The following CCDC61 variants were observed in gnomAD, a reference collection of about 807,000 sequenced individuals.
CCDC61 encodes centrosomal protein CCDC61.
CCDC61 carries 55 observed loss-of-function variants against 63.0 expected under a neutral mutation model. That is an observed-to-expected ratio of 0.87 (90% confidence interval 0.70 to 1.09). The LOEUF is 1.09. Ranked by LOEUF, CCDC61 falls within the 50% of genes least tolerant of loss-of-function variation. The pLI, the probability that CCDC61 is intolerant of heterozygous loss-of-function variation, is 0.00. For synonymous variants in CCDC61, 270 were observed against 317.0 expected (o/e 0.85, Z 1.58); for missense variants, 651 against 731.4 (o/e 0.89, Z 1.27).
Position 46,018,306 on chromosome 19 carries a change from C to A in CCDC61, c.1458C>A (p.His486Gln), listed in dbSNP as rs759020217. Residue 486 changes from histidine to glutamine, a missense_variant, in exon 14 of 14, where the codon CAC becomes CAA. Transcript: ENST00000595358. This position sits in a 1 kb window ranked among gnomAD's most constrained non-coding sequence, Gnocchi z 4.2. ...WVPIKEYSSEHQAADMAEIDA... is the reference protein window; with the variant it reads ...WVPIKEYSSEQQAADMAEIDA... ...CTCTCACAGAGTACAGCTCGGAGCA[C>A]CAGGCGGCTGACATGGCCGAAATAG... 1.9e-6 allele frequency: 3 copies of A among 1,570,260 alleles called. No individual in the cohort carries two copies. The highest frequency in any genetic ancestry group is 2.6e-6 in the Non-Finnish European group (3 of 1,158,114).
intron 5 of CCDC61, among the ~76,000 whole-genome samples, chr19:46,012,151 G>C (rs946236866): frequency 1.3e-5 from 2 of 152,162 alleles, no homozygotes; most frequent in African/African-American, 4.8e-5. Context: ...AGGAGTTCCA[G>C]GGCAGGCCCT....
At chr19:46,005,125 T>A (rs1427920687) in intron 3 of CCDC61, among the ~76,000 whole-genome samples, 2 of 151,878 alleles carry the variant, frequency 1.3e-5, no homozygotes, top group Non-Finnish European at 2.9e-5. Context: ...ATTCTCCTAT[T>A]TCAGCCTCCC....
intron 1 of CCDC61, among the ~76,000 whole-genome samples, chr19:45,998,760 T>C (rs1010507472): frequency 6.6e-6 from 1 of 152,164 alleles, no homozygotes; most frequent in Admixed American, 6.5e-5. Flanking sequence ...CTAAATAATT[T>C]AGTTCAACAA....
chr19:46,003,676 A>G, intron 3 of CCDC61, 175 bp downstream of exon 3: 4 of 491,610 alleles, frequency 8.1e-6, no homozygotes, highest in Non-Finnish European at 1.4e-5. Flanking sequence ...ACTTAATGAT[A>G]GTTATTCTCA....
chr19:46,010,599 A>G (rs990081967), intron 5 of CCDC61, among the ~76,000 whole-genome samples: 44 of 152,352 alleles, frequency 2.9e-4, no homozygotes, highest in African/African-American at 9.9e-4. Flanking sequence ...GAGAAGTCAG[A>G]TGGGCAGGGG....
In CCDC61 at chr19:46,016,581, AG is replaced by A; in HGVS notation, c.1092-111del. 6.7e-7 allele frequency: 1 copy of A among 1,491,092 alleles called. No individual in the cohort carries two copies. The allele number at this position is 1,491,092 out of a possible 1,614,324, so 92.4% of individuals were successfully genotyped here. A position where few individuals can be genotyped will look rare whatever the true frequency, so the allele number is the denominator to read the frequency against. ...GTGTTTCTGCGTGCTTTCCGCTCGT[AG>A]GCCTGTCACCTCAGGCTTTCGCTGG... is the stretch of plus-strand genomic sequence containing the variant. On this transcript the variant is annotated intron_variant, in intron 9 of 13. Transcript: ENST00000595358. The surrounding 1 kb of genome is among the most constrained non-coding windows in gnomAD (Gnocchi z 7.2).
chr19:46,008,334 G>GT, intron 5 of CCDC61, 33 bp downstream of exon 5: 1 of 898,760 alleles, frequency 1.1e-6, no homozygotes, highest in Non-Finnish European at 1.7e-6. Flanking sequence ...GCTGGGGCGG[G>GT]TGGGGGCCCT....
chr19:46,016,575 G>T lies in CCDC61; in HGVS notation c.1092-119G>T. 2 of 1,474,516 alleles carry T rather than the reference G, an allele frequency of 1.4e-6. No individual in the cohort carries two copies. Among genetic ancestry groups the T allele is most frequent in the Non-Finnish European group, 1.8e-6 (2 of 1,086,442 alleles). 91.3% of individuals were successfully genotyped at this position (1,474,516 alleles called of 1,614,324 possible). A position where few individuals can be genotyped will look rare whatever the true frequency, so the allele number is the denominator to read the frequency against. Reference sequence around the variant, plus strand: ...TCGTCTGTGTTTCTGCGTGCTTTCCGCTCGTAGGCCTGTCACCTCAGGCTT... The same window carrying T: ...TCGTCTGTGTTTCTGCGTGCTTTCCTCTCGTAGGCCTGTCACCTCAGGCTT... On this transcript the variant is annotated intron_variant, in intron 9 of 13. Coordinates refer to ENST00000595358, the MANE Select transcript of CCDC61 (RefSeq NM_001267723.2). This position sits in a 1 kb window ranked among gnomAD's most constrained non-coding sequence, Gnocchi z 7.2.
chr19:46,002,407 ATTC>A (rs769020713), intron 1 of CCDC61, among the ~76,000 whole-genome samples: 8 of 150,726 alleles, frequency 5.3e-5, no homozygotes, highest in Non-Finnish European at 1.2e-4. Context: ...ATTAATCATG[ATTC>A]TTTTTTTGGC....
intron 5 of CCDC61, among the ~76,000 whole-genome samples, chr19:46,012,854 T>A (rs1317361796): frequency 6.8e-6 from 1 of 146,896 alleles, no homozygotes; most frequent in African/African-American, 2.4e-5. Flanking sequence ...TAATTTAATT[T>A]TTTTTTTTTT....
At chr19:46,014,104 C>T (rs1165884673) in intron 5 of CCDC61, among the ~76,000 whole-genome samples, 2 of 151,974 alleles carry the variant, frequency 1.3e-5, no homozygotes, top group African/African-American at 2.4e-5. Flanking sequence ...AAAGAGGGTA[C>T]ATTCAGAGAG....
intron 1 of CCDC61, among the ~76,000 whole-genome samples, chr19:45,999,549 G>A (rs997511029): frequency 6.6e-6 from 1 of 152,088 alleles, no homozygotes; most frequent in Non-Finnish European, 1.5e-5. Context: ...GCTGCCAAGG[G>A]CAGTGATTTG....
At position 46,016,682 on chromosome 19, in the gene CCDC61, C is replaced by CT; in HGVS notation, c.1092-6dup. On this transcript the variant is annotated splice_polypyrimidine_tract_variant and intron_variant, in intron 9 of 13. Transcript: ENST00000595358. The surrounding 1 kb of genome is among the most constrained non-coding windows in gnomAD (Gnocchi z 7.2). The stretch of plus-strand genomic sequence containing the variant: ...GGGCGTACAGACCGGCGTCTCCTTT[C>CT]TTTTTTCCCAGGCAGCAGCAGCGGA... 2 of 1,611,780 alleles carry CT rather than the reference C, an allele frequency of 1.2e-6. No homozygotes were observed. The highest frequency in any genetic ancestry group is 1.7e-6 in the Non-Finnish European group (2 of 1,179,284).
chr19:46,000,380 G>T (rs908916529), intron 1 of CCDC61, among the ~76,000 whole-genome samples: 16 of 152,028 alleles, frequency 1.1e-4, no homozygotes, highest in Admixed American at 7.2e-4. Context: ...TTGAATATGC[G>T]GGAGCCCTAG....
At chr19:46,009,303 G>C (rs1420397100) in intron 5 of CCDC61, among the ~76,000 whole-genome samples, 1 of 152,122 alleles carries the variant, frequency 6.6e-6, no homozygotes, top group Non-Finnish European at 1.5e-5. Context: ...TTGGGGAGAC[G>C]AATCTGGGGC....
rs771716814 is a variant in CCDC61, at chr19:46,015,384, C to G, written c.802C>G (p.Arg268Gly). The change falls in exon 7 of 14, where the codon CGG becomes GGG. Residue 268 changes from arginine to glycine, a missense_variant. Transcript: ENST00000595358. The surrounding 1 kb of genome is among the most constrained non-coding windows in gnomAD (Gnocchi z 5.3). ...AKASERSLRA[R>G]LKTLTSELAL... ...GGCATCGGAGCGGAGCCTGCGCGCC[C>G]GGCTGAAGACGCTGACCAGCGAGCT... 6.2e-6 allele frequency: 10 copies of G among 1,603,218 alleles called. No homozygotes were observed. The Admixed American group carries it at 8.3e-5, about 13-fold the overall frequency.
In CCDC61 at chr19:46,018,179, C is replaced by T; in HGVS notation, c.1441+29C>T. ...AGCCTGGGACTCCACATCCCCTCTC[C>T]CAGCCCCAGGACCCGTTGGAATGGT... is the stretch of plus-strand genomic sequence containing the variant. On this transcript the variant is annotated intron_variant, in intron 13 of 13. Coordinates refer to ENST00000595358, the MANE Select transcript of CCDC61 (RefSeq NM_001267723.2). The surrounding 1 kb of genome is among the most constrained non-coding windows in gnomAD (Gnocchi z 4.2). The T allele has an allele frequency of 6.3e-7, 1 of 1,585,438 alleles. No individual in the cohort carries two copies. The highest frequency in any genetic ancestry group is 2.3e-5 in the East Asian group (1 of 42,932).
intron 1 of CCDC61, among the ~76,000 whole-genome samples, chr19:46,001,890 C>G (rs765734722): frequency 3.9e-5 from 6 of 152,208 alleles, no homozygotes; most frequent in Non-Finnish European, 7.3e-5. Flanking sequence ...AATCCCTTAC[C>G]TGGAGTTTCA....
chr19:46,016,762 A>G lies in CCDC61; in HGVS notation c.1160A>G (p.Gln387Arg), dbSNP rs1240594810. Reference protein sequence around the residue: ...GDGPSVSWSRQTQPPAALTGR... With the variant: ...GDGPSVSWSRRTQPPAALTGR... ...GGTCCGTCCGTCTCCTGGTCTCGCC[A>G]GACCCAGCCCCCTGCTGCCTTGACT... The change falls in exon 10 of 14, where the codon CAG becomes CGG. Residue 387 changes from glutamine to arginine, a missense_variant. By Grantham distance (43) the Gln-to-Arg change is conservative. Transcript: ENST00000595358. The surrounding 1 kb of genome is among the most constrained non-coding windows in gnomAD (Gnocchi z 7.2). 1.3e-6 allele frequency: 2 copies of G among 1,585,634 alleles called. No individual in the cohort carries two copies. Among genetic ancestry groups the G allele is most frequent in the South Asian group, 2.3e-5 (2 of 87,040 alleles).
Sources: allele counts gnomAD v4.1 joint callset (sites outside exome capture counted in the v4.1 genomes callset), GRCh38; gene constraint gnomAD v4.1.1; non-coding constraint Gnocchi (gnomAD v3.1); transcripts MANE v1.5; gene names NCBI Gene and HGNC (gene_info 2026-07-23, HGNC 2026-07-21).